Variants in ZNF695 observed in about 807,000 individuals in gnomAD.
ZNF695 encodes zinc finger protein 695.
ZNF695 carries 11 observed loss-of-function variants against 11.2 expected under a neutral mutation model. The ratio of observed to expected loss-of-function variants is 0.98; its 90% CI spans 0.62 to 1.62. The LOEUF is 1.62. Among genes scored for constraint, ZNF695 ranks in the 40% most tolerant of loss-of-function variants. The pLI is 0.00. For synonymous variants in ZNF695, 190 were observed against 201.4 expected (o/e 0.94, Z 0.48); for missense variants, 559 against 590.5 (o/e 0.95, Z 0.55).
At chr1:246,982,700 C>T (rs1038719352), downstream of ZNF695, among the ~76,000 whole-genome samples, 7 of 152,098 alleles carry the variant, frequency 4.6e-5, no homozygotes, top group African/African-American at 9.7e-5. Flanking sequence ...TGGCCAGGCG[C>T]GGTGGCTCGT....
chr1:246,976,104 G>C lies in ZNF695; in HGVS notation c.391-8312C>G, dbSNP rs1404541715. On this transcript the variant is annotated intron_variant, in intron 4 of 5. Transcript: ENST00000487338. The stretch of plus-strand genomic sequence containing the variant: ...CTGGCTGGTGAGGGAGACGCTGAGG[G>C]AGAGGCAGGGACAAGAACTTTATTG... Among the ~76,000 whole-genome samples, 3 of 152,128 alleles carry C rather than the reference G, an allele frequency of 2.0e-5. No individual in the cohort carries two copies. The East Asian group carries it at 5.8e-4, about 29-fold the overall frequency.
In ZNF695 at chr1:246,985,576, C is replaced by T; in HGVS notation, c.*1391G>A. On this transcript the variant is annotated 3_prime_UTR_variant, in exon 4 of 4. Transcript: ENST00000339986. The stretch of plus-strand genomic sequence containing the variant: ...AACGTTGGTGGTAGGATACGCATCA[C>T]TTAATGTACAACGGTCCAAAGACAT... 1 of 983,922 alleles carries T rather than the reference C, an allele frequency of 1.0e-6. No individual in the cohort carries two copies. Among genetic ancestry groups the T allele is most frequent in the Middle Eastern group, 5.2e-4 (1 of 1,914 alleles). The allele number at this position is 983,922 out of a possible 1,614,324, so 60.9% of individuals were successfully genotyped here. A position where few individuals can be genotyped will look rare whatever the true frequency, so the allele number is the denominator to read the frequency against.
intron 1 of ZNF695, among the ~76,000 whole-genome samples, chr1:247,004,309 C>G (rs1669475741): frequency 6.6e-6 from 1 of 152,032 alleles, no homozygotes; most frequent in South Asian, 2.1e-4. Flanking sequence ...ACCCATGTAA[C>G]ACATCATATT....
intron 3 of ZNF695, among the ~76,000 whole-genome samples, chr1:246,992,977 T>G (rs924217107): frequency 1.3e-5 from 2 of 152,244 alleles, no homozygotes; most frequent in Non-Finnish European, 2.9e-5. Context: ...GATGGTATAC[T>G]TTGACCGACA....
intron 5 of ZNF695, among the ~76,000 whole-genome samples, chr1:246,953,632 C>G (rs1470133319): frequency 6.6e-6 from 1 of 150,502 alleles, no homozygotes; most frequent in East Asian, 2.0e-4. Flanking sequence ...AAAAAAACAA[C>G]AAAGAAATGG....
In ZNF695 at chr1:246,986,753, GTA is replaced by G; in HGVS notation, c.*212_*213del. The G allele has an allele frequency of 1.6e-6, 2 of 1,286,668 alleles. No individual in the cohort carries two copies. The highest frequency in any genetic ancestry group is 5.6e-5 in the South Asian group (2 of 36,034). 79.7% of individuals were successfully genotyped at this position (1,286,668 alleles called of 1,614,324 possible). A position where few individuals can be genotyped will look rare whatever the true frequency, so the allele number is the denominator to read the frequency against. ...TCCAGTATAAATTCTTCTGTGTACA[GTA>G]AGAGCTGTGATATAAGTGGAGGTGT... On this transcript the variant is annotated 3_prime_UTR_variant, in exon 4 of 4. Transcript: ENST00000339986.
downstream of ZNF695, among the ~76,000 whole-genome samples, chr1:246,985,024 G>C (rs542404839): frequency 5.3e-5 from 8 of 152,234 alleles, no homozygotes; most frequent in African/African-American, 1.9e-4. Flanking sequence ...ATTTGCCTTC[G>C]ACATTTTTGA....
At chr1:246,949,984 A>G (rs1667833188) in intron 5 of ZNF695, among the ~76,000 whole-genome samples, 1 of 152,182 alleles carries the variant, frequency 6.6e-6, no homozygotes, top group African/African-American at 2.4e-5. Context: ...ATGCCACAGA[A>G]GAGATATTTG....
Position 246,988,221 on chromosome 1 carries a change from T to C in ZNF695, c.294A>G (p.Pro98=). ...GGAATGAAACTTGCAGGCCCTGCTC[T>C]GGCAAAATGTCTTCAGTAAGATAAG... ...LSSYLTEDIL[P]EQGLQVSFQK... is the part of the protein sequence containing the mutation. The change falls in exon 4 of 4, where the codon CCA becomes CCG. Residue 98 remains proline (P), a synonymous_variant. Coordinates refer to ENST00000339986, the MANE Select transcript of ZNF695 (RefSeq NM_020394.5). 2 of 1,579,276 alleles carry C rather than the reference T, an allele frequency of 1.3e-6. No individual in the cohort carries two copies. The highest frequency in any genetic ancestry group is 1.7e-6 in the Non-Finnish European group (2 of 1,167,318).
rs1301479315 is a variant in ZNF695, at chr1:246,987,099, G to C, written c.1416C>G (p.Ala472=). The change falls in exon 4 of 4, where the codon GCC becomes GCG. Residue 472 remains alanine (A), a synonymous_variant. Coordinates refer to ENST00000339986, the MANE Select transcript of ZNF695 (RefSeq NM_020394.5). The part of the protein sequence containing the change: ...KPYKCEECGK[A]FGQSSHLSKH... ...TAGAAAGGTGTGAGCTCTGGCCAAA[G>C]GCTTTGCCACATTCTTCACATTTGT... 1.9e-6 allele frequency: 3 copies of C among 1,613,688 alleles called. No individual in the cohort carries two copies. Among genetic ancestry groups the C allele is most frequent in the East Asian group, 2.2e-5 (1 of 44,854 alleles).
In ZNF695 at chr1:246,980,178, T is replaced by A. The variant is rs1256248152; in HGVS notation, c.390+7947A>T. Among the ~76,000 whole-genome samples, 565 of 88,730 alleles carry A rather than the reference T, an allele frequency of 6.4e-3. 14 individuals are homozygous for A. Among genetic ancestry groups the A allele is most frequent in the Admixed American group, 0.045 (362 of 8,098 alleles). The allele number at this position is 88,730 out of a possible 152,430, so 58.2% of individuals were successfully genotyped here. On this transcript the variant is annotated intron_variant, in intron 4 of 5. Transcript: ENST00000487338. ...TGGACGACAGCCTGGACTCTGTATT[T>A]AAAAAAAAAAAAAAAAAAAAAAAAA...
At chr1:246,995,975 C>A in intron 3 of ZNF695, 1 of 446,606 alleles carries the variant, frequency 2.2e-6, no homozygotes, top group Non-Finnish European at 4.5e-6. Context: ...ATATTTATTG[C>A]AACATTATTC....
At position 246,976,638 on chromosome 1, in the gene ZNF695, C is replaced by CA. The variant is rs551160868; in HGVS notation, c.391-8847dup. Among the ~76,000 whole-genome samples the CA allele has an allele frequency of 3.6e-4, 54 of 151,570 alleles. No homozygotes were observed. The South Asian group carries it at 9.0e-3, about 25-fold the overall frequency. On this transcript the variant is annotated intron_variant, in intron 4 of 5. Transcript: ENST00000487338. ...TGAAACCCCGTCTCTACTAAAAATA[C>CA]AAAAAATTAGCCAGGCATGGTGGCG...
At chr1:246,957,442 A>C (rs1668029437) in intron 5 of ZNF695, among the ~76,000 whole-genome samples, 1 of 151,930 alleles carries the variant, frequency 6.6e-6, no homozygotes, top group Admixed American at 6.6e-5. Context: ...AGAAAATCGT[A>C]TGTCTGACTA....
chr1:246,990,040 G>A (rs531313990), intron 3 of ZNF695, among the ~76,000 whole-genome samples: 63 of 150,544 alleles, frequency 4.2e-4, no homozygotes, highest in Non-Finnish European at 8.0e-4. Flanking sequence ...GAAAGGAAAG[G>A]AAAGGAAGAG....
chr1:246,986,517 AAT>A lies in ZNF695; in HGVS notation c.*448_*449del. On this transcript the variant is annotated 3_prime_UTR_variant, in exon 4 of 4. Coordinates refer to ENST00000339986, the MANE Select transcript of ZNF695 (RefSeq NM_020394.5). ...CAGTGACTTAGTGCTTTTTACTATG[AAT>A]TCTTGGATGTGTTTTGATGTAATTT... 1 of 988,618 alleles carries A rather than the reference AAT, an allele frequency of 1.0e-6. No individual in the cohort carries two copies. The highest frequency in any genetic ancestry group is 1.2e-6 in the Non-Finnish European group (1 of 832,158). The allele number at this position is 988,618 out of a possible 1,614,324, so 61.2% of individuals were successfully genotyped here.
chr1:246,976,627 T>C (rs913561060), intron 4 of ZNF695, among the ~76,000 whole-genome samples: 1 of 151,588 alleles, frequency 6.6e-6, no homozygotes, highest in Admixed American at 6.6e-5. Context: ...ACCCCGTCTC[T>C]ACTAAAAATA....
Position 246,976,943 on chromosome 1 carries a change from T to C in ZNF695, c.391-9151A>G, listed in dbSNP as rs114579208. On this transcript the variant is annotated intron_variant, in intron 4 of 5. Coordinates refer to the ZNF695 transcript ENST00000487338. ...TGAGAAGCAGCTACTTTTTAAACTT[T>C]AGACATTATAAATTTACAATTCAAC... 2.4e-3 allele frequency among the ~76,000 whole-genome samples: 366 copies of C among 152,316 alleles called. 2 individuals are homozygous for C. Among genetic ancestry groups the C allele is most frequent in the African/African-American group, 8.4e-3 (350 of 41,568 alleles).
chr1:246,945,779 G>A (rs1288439201), exon 6 of ZNF695: 7 of 1,550,202 alleles, frequency 4.5e-6, no homozygotes, highest in African/African-American at 4.1e-5. Context: ...AAGCAGCGAC[G>A]GAACCTCCGC....
Sources: gnomAD v4.1 joint callset for allele counts (sites outside exome capture counted in the v4.1 genomes callset) on GRCh38, gnomAD v4.1.1 for gene constraint, MANE v1.5 for transcripts, NCBI Gene and HGNC (gene_info 2026-07-23, HGNC 2026-07-21) for gene names.